ARHGAP24: variants seen among roughly 807,000 people sequenced by gnomAD.
ARHGAP24 encodes Rho GTPase activating protein 24, also known as rho GTPase-activating protein 24.
ARHGAP24 carries 50 observed loss-of-function variants against 76.4 expected under a neutral mutation model. That is an observed-to-expected ratio of 0.65 (90% CI 0.52 to 0.83). The LOEUF is 0.83. Ranked by LOEUF, ARHGAP24 falls within the 40% of genes least tolerant of loss-of-function variation. ARHGAP24 has a pLI of 0.00. For synonymous variants in ARHGAP24, 345 were observed against 323.3 expected, an observed-to-expected ratio of 1.07 and a Z score of -0.72; for missense variants, 930 against 914.2, an observed-to-expected ratio of 1.02 and a Z score of -0.22.
At position 85,685,687 on chromosome 4, in the gene ARHGAP24, T is replaced by C. The variant is rs1245243798; in HGVS notation, c.181-36198T>C. Among the ~76,000 whole-genome samples, 4 of 149,938 alleles carry C rather than the reference T, an allele frequency of 2.7e-5. No homozygotes were observed. The East Asian group carries it at 5.8e-4, about 22-fold the overall frequency. ...GTCTCCACAAAGTGCTTCTGACTTC[T>C]GCCTATCTCCTGGTCCCAAAATCAG... On this transcript the variant is annotated intron_variant, in intron 2 of 9. Coordinates refer to ENST00000395184, the MANE Select transcript of ARHGAP24 (RefSeq NM_001025616.3).
chr4:85,598,746 G>GTTT (rs1195616574), intron 2 of ARHGAP24, among the ~76,000 whole-genome samples: 3 of 133,238 alleles, frequency 2.3e-5, no homozygotes, highest in African/African-American at 8.3e-5. Flanking sequence ...GTTTTGTTTT[G>GTTT]TTTTTTTTTT....
At chr4:85,694,280 G>A (rs1034724573) in intron 2 of ARHGAP24, among the ~76,000 whole-genome samples, 2 of 151,910 alleles carry the variant, frequency 1.3e-5, no homozygotes, top group African/African-American at 4.8e-5. Flanking sequence ...TTGTTCAAGT[G>A]GGAAAGAACC....
chr4:85,601,843 GTCC>G (rs1720038645), intron 2 of ARHGAP24, among the ~76,000 whole-genome samples: 2 of 152,122 alleles, frequency 1.3e-5, no homozygotes, highest in Middle Eastern at 3.4e-3. Flanking sequence ...GGGTTTGCAG[GTCC>G]TCCAAAACTA....
Position 85,475,175 on chromosome 4 carries a change from G to C in ARHGAP24, c.-405G>C, listed in dbSNP as rs938130883. 6.6e-6 allele frequency: 1 copy of C among 152,432 alleles called. No homozygotes were observed. Among genetic ancestry groups the C allele is most frequent in the African/African-American group, 2.4e-5 (1 of 41,458 alleles). The allele number at this position is 152,432 out of a possible 1,614,324, so 9.4% of individuals were successfully genotyped here. A position where few individuals can be genotyped will look rare whatever the true frequency, so the allele number is the denominator to read the frequency against. ...CTTTCTAACTTCTGGGACTCTTTGC[G>C]CAACTGCTAGGATTTCTCAAGTGCA... On this transcript the variant is annotated 5_prime_UTR_variant, in exon 1 of 10. Transcript: ENST00000395184.
intron 3 of ARHGAP24, among the ~76,000 whole-genome samples, chr4:85,908,253 A>G (rs1734876967): frequency 6.6e-6 from 1 of 152,234 alleles, no homozygotes; most frequent in African/African-American, 2.4e-5. Context: ...TACTCTTTAT[A>G]GCATAAATGA....
intron 3 of ARHGAP24, among the ~76,000 whole-genome samples, chr4:85,896,128 CAG>C (rs1309820980): frequency 6.6e-6 from 1 of 152,128 alleles, no homozygotes; most frequent in Non-Finnish European, 1.5e-5. Flanking sequence ...GCTAAACAAA[CAG>C]AAAATTTGGT....
At chr4:85,723,072 T>C (rs1725016249) in intron 3 of ARHGAP24, among the ~76,000 whole-genome samples, 1 of 152,204 alleles carries the variant, frequency 6.6e-6, no homozygotes. Flanking sequence ...TTAAGAAACC[T>C]GAATCTTATT....
chr4:85,666,385 A>G (rs574198648), intron 2 of ARHGAP24, among the ~76,000 whole-genome samples: 1 of 152,184 alleles, frequency 6.6e-6, no homozygotes, highest in East Asian at 1.9e-4. Flanking sequence ...TATTCTAGTT[A>G]TACATTTGTC....
intron 3 of ARHGAP24, among the ~76,000 whole-genome samples, chr4:85,898,367 A>G (rs78634628): frequency 6.6e-6 from 1 of 152,106 alleles, no homozygotes; most frequent in Admixed American, 6.5e-5. Flanking sequence ...AGCGTAGATC[A>G]CTAGCAGCTT....
At chr4:85,565,547 A>T (rs941591614) in intron 1 of ARHGAP24, among the ~76,000 whole-genome samples, 9 of 152,164 alleles carry the variant, frequency 5.9e-5, no homozygotes, top group African/African-American at 2.2e-4. Context: ...AAGGAAACTG[A>T]CACTGATTGA....
chr4:85,872,127 C>T (rs1421809978), intron 3 of ARHGAP24, among the ~76,000 whole-genome samples: 1 of 151,708 alleles, frequency 6.6e-6, no homozygotes, highest in African/African-American at 2.4e-5. Flanking sequence ...TTGTTTTCAT[C>T]TAGCAAGTTA....
chr4:85,905,154 A>G (rs1233456443), intron 3 of ARHGAP24, among the ~76,000 whole-genome samples: 1 of 152,182 alleles, frequency 6.6e-6, no homozygotes, highest in Non-Finnish European at 1.5e-5. Context: ...TAGGGTCAAA[A>G]TCTAAGAAAG....
chr4:85,956,858 G>T (rs1049755131), intron 5 of ARHGAP24, among the ~76,000 whole-genome samples: 3 of 152,140 alleles, frequency 2.0e-5, no homozygotes, highest in Non-Finnish European at 4.4e-5. Context: ...CGGACCAGAA[G>T]AGAGTGCAGT....
At chr4:85,807,935 C>T (rs367977156) in intron 3 of ARHGAP24, among the ~76,000 whole-genome samples, 4 of 152,054 alleles carry the variant, frequency 2.6e-5, no homozygotes, top group African/African-American at 9.7e-5. Context: ...TTATTTTTGT[C>T]TCCCCCTGTA....
rs535353542 is a variant in ARHGAP24 at position 85,970,129 on chromosome 4, C to G, written c.600-1907C>G. ...CCTGAAGGAGGTGAAGTCCTATGGT[C>G]CATGAGGTTGCTGCCTACAGCTCAG... On this transcript the variant is annotated intron_variant, in intron 5 of 9. Transcript: ENST00000395184. Among the ~76,000 whole-genome samples the G allele has an allele frequency of 3.3e-5, 5 of 152,260 alleles. No individual in the cohort carries two copies. The South Asian group carries it at 1.0e-3, about 32-fold the overall frequency.
At chr4:85,948,772 A>T (rs767800765) in intron 5 of ARHGAP24, among the ~76,000 whole-genome samples, 43 of 152,198 alleles carry the variant, frequency 2.8e-4, no homozygotes, top group African/African-American at 9.9e-4. Context: ...CAGGAGTGGT[A>T]TACTCATACC....
chr4:85,889,593 A>G (rs1733765927), intron 3 of ARHGAP24, among the ~76,000 whole-genome samples: 1 of 152,212 alleles, frequency 6.6e-6, no homozygotes, highest in Non-Finnish European at 1.5e-5. Flanking sequence ...AAACTTTCAT[A>G]TTCATACATC....
At chr4:85,513,505 T>G (rs1724364141) in intron 1 of ARHGAP24, among the ~76,000 whole-genome samples, 1 of 152,094 alleles carries the variant, frequency 6.6e-6, no homozygotes, top group African/African-American at 2.4e-5. Context: ...AATTTTCAAT[T>G]CTCCTGTGTC....
chr4:85,995,494 A>G lies in ARHGAP24; in HGVS notation c.1840A>G (p.Arg614Gly). Residue 614 changes from arginine to glycine, a missense_variant, in exon 9 of 10, where the codon AGG (arginine) becomes GGG (glycine). Arg to Gly is a moderately radical substitution (Grantham distance 125). Coordinates refer to ENST00000395184, the MANE Select transcript of ARHGAP24 (RefSeq NM_001025616.3). ...PRDYESKSDH[R>G]SVGGRSSRAT... ...GGACTATGAAAGCAAAAGTGACCAC[A>G]GGAGTGTGGGAGGTCGAAGTAGTCG... is the stretch of plus-strand genomic sequence containing the variant. 9 of 1,602,590 alleles carry G rather than the reference A, an allele frequency of 5.6e-6. No individual in the cohort carries two copies. The highest frequency in any genetic ancestry group is 1.1e-5 in the South Asian group (1 of 88,958).
Sources: gnomAD v4.1 joint callset for allele counts (sites outside exome capture counted in the v4.1 genomes callset) on GRCh38, gnomAD v4.1.1 for gene constraint, MANE v1.5 for transcripts, NCBI Gene and HGNC (gene_info 2026-07-23, HGNC 2026-07-21) for gene names.